Variants in HTR7 observed in about 807,000 individuals in gnomAD.
HTR7 encodes 5-hydroxytryptamine receptor 7.
HTR7 carries 16 observed loss-of-function variants against 34.0 expected under a neutral mutation model. The observed-to-expected ratio is 0.47, with a 90% CI of 0.32 to 0.71. HTR7 has a LOEUF of 0.71. Among genes scored for constraint, HTR7 ranks in the 30% least tolerant of loss-of-function variants. HTR7 has a pLI of 0.04. For missense variants in HTR7, 504 were observed against 625.5 expected, an observed-to-expected ratio of 0.81 and a Z score of 2.07; for synonymous variants, 265 against 260.2, an observed-to-expected ratio of 1.02 and a Z score of -0.18.
chr10:90,847,954 C>A (rs1049178404), intron 1 of HTR7, among the ~76,000 whole-genome samples: 8 of 151,888 alleles, frequency 5.3e-5, no homozygotes, highest in Admixed American at 5.2e-4. Context: ...ATTAAGTTAA[C>A]CCTTGTGTAA....
At chr10:90,754,239 A>C (rs925708335) in intron 1 of HTR7, among the ~76,000 whole-genome samples, 6 of 152,074 alleles carry the variant, frequency 3.9e-5, no homozygotes, top group Admixed American at 2.6e-4. Context: ...GAATACATTC[A>C]TAAGTTTATA....
In HTR7 at chr10:90,791,415, C is replaced by G. The variant is rs193077364; in HGVS notation, c.540-41821G>C. 2.5e-4 allele frequency among the ~76,000 whole-genome samples: 38 copies of G among 152,122 alleles called. No homozygotes were observed. The East Asian group carries it at 6.9e-3, about 28-fold the overall frequency. Reference sequence around the variant, plus strand: ...GAAAGGTTATATGGATAACCTAATACTGAAGTTGCACATTGAACACTGAAC... The same window carrying G: ...GAAAGGTTATATGGATAACCTAATAGTGAAGTTGCACATTGAACACTGAAC... On this transcript the variant is annotated intron_variant, in intron 1 of 3. Transcript: ENST00000336152.
At chr10:90,768,857 C>T (rs1178885853) in intron 1 of HTR7, among the ~76,000 whole-genome samples, 6 of 152,220 alleles carry the variant, frequency 3.9e-5, no homozygotes, top group South Asian at 2.1e-4. Context: ...ACTTCTTCCT[C>T]GGTAATGTGA....
Position 90,749,534 on chromosome 10 carries a change from C to T in HTR7, c.600G>A (p.Ala200=), listed in dbSNP as rs370592123. The T allele has an allele frequency of 9.9e-6, 16 of 1,614,062 alleles. No homozygotes were observed. Among genetic ancestry groups the T allele is most frequent in the East Asian group, 4.5e-5 (2 of 44,864 alleles). The change falls in exon 2 of 4, where the codon GCG becomes GCA. Residue 200 remains alanine (A), a synonymous_variant. Transcript: ENST00000336152. This position sits in a 1 kb window ranked among gnomAD's most constrained non-coding sequence, Gnocchi z 4.2. ...YPVRQNGKCM[A]KMILSVWLLS... is the part of the protein sequence containing the mutation. ...GAAGCCAGACGGAGAGAATCATCTT[C>T]GCCATGCATTTCCCATTCTGCCTCA... is the stretch of plus-strand genomic sequence containing the variant.
At chr10:90,744,060 A>G (rs1844597521) in intron 2 of HTR7, 2 of 385,430 alleles carry the variant, frequency 5.2e-6, no homozygotes, top group South Asian at 4.2e-5. Flanking sequence ...AGAGCCAAGA[A>G]GGCAGAGCAA....
intron 1 of HTR7, among the ~76,000 whole-genome samples, chr10:90,823,086 G>A (rs183527684): frequency 7.5e-4 from 115 of 152,338 alleles, no homozygotes; most frequent in African/African-American, 2.8e-3. Context: ...ATGGGGAAAT[G>A]TGGAGTTAGA....
At chr10:90,844,796 C>CCACAT (rs1026144767) in intron 1 of HTR7, among the ~76,000 whole-genome samples, 4 of 136,976 alleles carry the variant, frequency 2.9e-5, no homozygotes, top group Non-Finnish European at 6.1e-5. Context: ...CTCACTCTGG[C>CCACAT]TGCACATTGG....
intron 1 of HTR7, among the ~76,000 whole-genome samples, chr10:90,754,756 TTTAA>T (rs1438860886): frequency 6.6e-6 from 1 of 152,234 alleles, no homozygotes; most frequent in African/African-American, 2.4e-5. Flanking sequence ...ATAATGGTTC[TTTAA>T]TTAAATGGCT....
chr10:90,781,122 C>A (rs36101610), intron 1 of HTR7, among the ~76,000 whole-genome samples: 39,566 of 152,048 alleles, frequency 0.26, 5,478 homozygotes, highest in African/African-American at 0.35. Context: ...CCCTAGATCC[C>A]CAATACTGCT....
At chr10:90,745,806 T>C (rs1844624185) in intron 2 of HTR7, among the ~76,000 whole-genome samples, 1 of 152,186 alleles carries the variant, frequency 6.6e-6, no homozygotes, top group Non-Finnish European at 1.5e-5. Flanking sequence ...CTTATGTCAG[T>C]GACAAATTAC....
intron 1 of HTR7, among the ~76,000 whole-genome samples, chr10:90,750,283 T>C (rs1431703199): frequency 6.6e-6 from 1 of 152,154 alleles, no homozygotes; most frequent in Non-Finnish European, 1.5e-5. Flanking sequence ...CTCCAGTTCT[T>C]AGGAGAATCA....
chr10:90,767,252 C>A lies in HTR7; in HGVS notation c.540-17658G>T, dbSNP rs557835140. On this transcript the variant is annotated intron_variant, in intron 1 of 3. Transcript: ENST00000336152. ...GCTGAGCTCCCTGGTTAGGTGGGGC[C>A]TAGGGGTAAACCCTACTTTAAAATT... 4.6e-5 allele frequency among the ~76,000 whole-genome samples: 7 copies of A among 152,304 alleles called. No individual in the cohort carries two copies. The South Asian group carries it at 1.4e-3, about 32-fold the overall frequency.
At chr10:90,822,143 C>T (rs1314078885) in intron 1 of HTR7, among the ~76,000 whole-genome samples, 1 of 152,108 alleles carries the variant, frequency 6.6e-6, no homozygotes. Flanking sequence ...GAGTTTAGAA[C>T]AGTTTGAAGG....
chr10:90,828,350 T>G (rs377127192), intron 1 of HTR7, among the ~76,000 whole-genome samples: 1 of 151,992 alleles, frequency 6.6e-6, no homozygotes, highest in African/African-American at 2.4e-5. Context: ...AGACAAATAA[T>G]AAATATCAGA....
intron 1 of HTR7, among the ~76,000 whole-genome samples, chr10:90,837,907 T>C (rs1846276164): frequency 6.6e-6 from 1 of 152,310 alleles, no homozygotes; most frequent in East Asian, 1.9e-4. Flanking sequence ...CCAATTTGAT[T>C]ATATTCCATC....
At chr10:90,851,371 C>T (rs1018184643) in intron 1 of HTR7, among the ~76,000 whole-genome samples, 8 of 152,052 alleles carry the variant, frequency 5.3e-5, no homozygotes, top group Non-Finnish European at 1.0e-4. Context: ...CTTTGGGAGG[C>T]CAAGGCGGGC....
intron 1 of HTR7, among the ~76,000 whole-genome samples, chr10:90,753,017 A>G (rs1589435922): frequency 6.6e-6 from 1 of 152,364 alleles, no homozygotes; most frequent in East Asian, 1.9e-4. Context: ...AGTGACATTT[A>G]TAAGCAACAT....
At chr10:90,753,709 A>G (rs1329884653) in intron 1 of HTR7, among the ~76,000 whole-genome samples, 2 of 152,006 alleles carry the variant, frequency 1.3e-5, no homozygotes, top group African/African-American at 4.8e-5. Flanking sequence ...CAATCTAAGT[A>G]TTATCAATAG....
intron 1 of HTR7, among the ~76,000 whole-genome samples, chr10:90,772,183 T>C (rs1297193806): frequency 6.6e-6 from 1 of 152,104 alleles, no homozygotes; most frequent in African/African-American, 2.4e-5. Context: ...TCTTACTTAA[T>C]ACTTTCAAAA....
Sources: allele counts gnomAD v4.1 joint callset (sites outside exome capture counted in the v4.1 genomes callset), GRCh38; gene constraint gnomAD v4.1.1; non-coding constraint Gnocchi (gnomAD v3.1); transcripts MANE v1.5; gene names NCBI Gene and HGNC (gene_info 2026-07-23, HGNC 2026-07-21).